Variants in ACAD10 observed in about 807,000 individuals in gnomAD.
ACAD10 encodes acyl-CoA dehydrogenase family member 10, also known as ACAD-10.
A neutral mutation model predicts 116.8 loss-of-function variants in ACAD10; 112 were observed. The ratio of observed to expected loss-of-function variants is 0.96; its 90% CI spans 0.82 to 1.12. The LOEUF is 1.12. Ranked by LOEUF, ACAD10 falls within the 50% of genes most tolerant of loss-of-function variation. The pLI is 0.00. For missense variants in ACAD10, 1,259 were observed against 1,350.2 expected, an observed-to-expected ratio of 0.93 and a Z score of 1.06; for synonymous variants, 486 against 510.6, an observed-to-expected ratio of 0.95 and a Z score of 0.65.
intron 11 of ACAD10, 29 bp downstream of exon 11, chr12:111,734,097 G>T: frequency 6.2e-7 from 1 of 1,613,478 alleles, no homozygotes. Flanking sequence ...GGATAGTGGG[G>T]GAGCAAGCCA....
chr12:111,717,692 A>G (rs1205289046), intron 7 of ACAD10, among the ~76,000 whole-genome samples: 1 of 151,868 alleles, frequency 6.6e-6, no homozygotes, highest in Non-Finnish European at 1.5e-5. Context: ...AGCCTCCCAA[A>G]TACTACAGGC....
At chr12:111,694,662 A>ACT (rs143561415) in intron 2 of ACAD10, among the ~76,000 whole-genome samples, 2,370 of 152,126 alleles carry the variant, frequency 0.016, 72 homozygotes, top group African/African-American at 0.054. Context: ...CAGCCTCCTA[A>ACT]CTTCCTCTGC....
At chr12:111,704,885 C>T (rs1282815425) in intron 3 of ACAD10, among the ~76,000 whole-genome samples, 1 of 151,690 alleles carries the variant, frequency 6.6e-6, no homozygotes, top group Non-Finnish European at 1.5e-5. Context: ...TAAGGGGTTT[C>T]ACCATGTTAG....
chr12:111,743,046 T>G (rs563656666), intron 12 of ACAD10, among the ~76,000 whole-genome samples: 296 of 152,338 alleles, frequency 1.9e-3, no homozygotes, highest in Non-Finnish European at 2.9e-3. Flanking sequence ...GGCTGTCTCT[T>G]TAGAACTATC....
chr12:111,727,631 T>G (rs967045484), intron 8 of ACAD10, among the ~76,000 whole-genome samples: 8 of 152,168 alleles, frequency 5.3e-5, no homozygotes, highest in Non-Finnish European at 1.2e-4. Flanking sequence ...TATTACACTT[T>G]GAATCCATTC....
chr12:111,739,181 A>G (rs1017371957), intron 12 of ACAD10, among the ~76,000 whole-genome samples: 2 of 152,242 alleles, frequency 1.3e-5, no homozygotes, highest in African/African-American at 4.8e-5. Context: ...ATAAGCTTCA[A>G]TGAAAGCCAA....
intron 18 of ACAD10, among the ~76,000 whole-genome samples, chr12:111,752,278 TTTGTTGTTG>T (rs140625855): frequency 6.6e-5 from 10 of 151,466 alleles, no homozygotes; most frequent in African/African-American, 1.7e-4. Flanking sequence ...AAAATAATGT[TTTGTTGTTG>T]TTGTTGTTGT....
intron 19 of ACAD10, among the ~76,000 whole-genome samples, chr12:111,755,342 G>A (rs1488606101): frequency 6.6e-6 from 1 of 152,118 alleles, no homozygotes; most frequent in African/African-American, 2.4e-5. Context: ...CTGACCTCAG[G>A]TGATCTGCCC....
intron 3 of ACAD10, among the ~76,000 whole-genome samples, chr12:111,704,664 T>C (rs972073813): frequency 6.7e-6 from 1 of 149,038 alleles, no homozygotes; most frequent in East Asian, 2.0e-4. Flanking sequence ...AATATAAGAG[T>C]TTTCTTTCTT....
At chr12:111,743,310 G>T (rs1889798664) in intron 12 of ACAD10, among the ~76,000 whole-genome samples, 1 of 152,104 alleles carries the variant, frequency 6.6e-6, no homozygotes, top group Admixed American at 6.6e-5. Flanking sequence ...GGGGATCAGG[G>T]GGGCAGGGGT....
chr12:111,712,767 G>T, intron 6 of ACAD10, 110 bp downstream of exon 6: 1 of 1,291,706 alleles, frequency 7.7e-7, no homozygotes. Flanking sequence ...AAGCTTTACA[G>T]TGAGGAAAAT....
At chr12:111,732,351 G>T (rs993795284) in intron 10 of ACAD10, among the ~76,000 whole-genome samples, 1 of 152,050 alleles carries the variant, frequency 6.6e-6, no homozygotes, top group East Asian at 1.9e-4. Context: ...GTAGAAAAAA[G>T]TTTCAAAAGG....
chr12:111,716,078 A>C, intron 7 of ACAD10, 116 bp downstream of exon 7: 1 of 1,412,752 alleles, frequency 7.1e-7, no homozygotes, highest in Non-Finnish European at 9.7e-7. Flanking sequence ...TAAAACTACA[A>C]TTATGGGCCA....
At chr12:111,698,732 TC>T (rs1306809645) in intron 2 of ACAD10, among the ~76,000 whole-genome samples, 1 of 152,132 alleles carries the variant, frequency 6.6e-6, no homozygotes, top group Non-Finnish European at 1.5e-5. Flanking sequence ...CGCCTTGGCC[TC>T]CCAAAATGCT....
At chr12:111,748,168 C>A in intron 16 of ACAD10, 149 bp from the exon 17 acceptor site, 1 of 953,460 alleles carries the variant, frequency 1.0e-6, no homozygotes, top group Non-Finnish European at 1.5e-6. Context: ...TTCTGGTCAG[C>A]AGTCTGCAGA....
chr12:111,695,059 G>A (rs1249822937), intron 2 of ACAD10, among the ~76,000 whole-genome samples: 1 of 152,140 alleles, frequency 6.6e-6, no homozygotes, highest in Non-Finnish European at 1.5e-5. Context: ...ATAAAGCATA[G>A]ATCTTGTTCC....
At chr12:111,725,934 A>C (rs928600468) in intron 8 of ACAD10, among the ~76,000 whole-genome samples, 1 of 152,090 alleles carries the variant, frequency 6.6e-6, no homozygotes, top group Non-Finnish European at 1.5e-5. Context: ...CCAATCCAAA[A>C]CATCTTTTGT....
intron 8 of ACAD10, 37 bp from the exon 9 acceptor site, chr12:111,727,925 A>T (rs959885167): frequency 7.6e-6 from 12 of 1,572,946 alleles, no homozygotes; most frequent in Non-Finnish European, 1.0e-5. Flanking sequence ...CCACATTATG[A>T]CTCTGATCCC....
chr12:111,722,453 A>G (rs1198730883), intron 8 of ACAD10, among the ~76,000 whole-genome samples: 1 of 151,952 alleles, frequency 6.6e-6, no homozygotes. Context: ...TGGCTGGGTC[A>G]TAGGACAATA....
Sources: gnomAD v4.1 joint callset for allele counts (sites outside exome capture counted in the v4.1 genomes callset) on GRCh38, gnomAD v4.1.1 for gene constraint, MANE v1.5 for transcripts, NCBI Gene and HGNC (gene_info 2026-07-23, HGNC 2026-07-21) for gene names.